Variants in SKI observed in about 807,000 individuals in gnomAD.
SKI encodes SKI proto-oncogene, also known as ski oncogene.
In SKI, 23 loss-of-function variants were observed where a neutral mutation model predicts 59.3. That is an observed-to-expected ratio of 0.39 (90% CI 0.28 to 0.55). The LOEUF is 0.55. SKI is among the 20% of genes least tolerant of loss of function. The pLI is 0.67. For synonymous variants in SKI, 673 were observed against 488.6 expected (o/e 1.38, Z -4.98); for missense variants, 1,017 against 1,038.9 (o/e 0.98, Z 0.29).
At chr1:2,266,411 C>T (rs1222999244) in intron 1 of SKI, among the ~76,000 whole-genome samples, 1 of 152,224 alleles carries the variant, frequency 6.6e-6, no homozygotes, top group South Asian at 2.1e-4. Flanking sequence ...CATGCTCTCC[C>T]TGAATTGTCA....
At chr1:2,298,197 A>G (rs760174286) in intron 1 of SKI, among the ~76,000 whole-genome samples, 4 of 152,178 alleles carry the variant, frequency 2.6e-5, no homozygotes, top group Admixed American at 6.5e-5. Context: ...AGCTGGATAC[A>G]TGCGCGCCCT....
chr1:2,307,539 G>C lies in SKI; in HGVS notation c.*774G>C, dbSNP rs1270790272. 6.6e-6 allele frequency: 1 copy of C among 152,436 alleles called. No individual in the cohort carries two copies. The highest frequency in any genetic ancestry group is 2.4e-5 in the African/African-American group (1 of 41,454). The allele number at this position is 152,436 out of a possible 1,614,324, so 9.4% of individuals were successfully genotyped here. A position where few individuals can be genotyped will look rare whatever the true frequency, so the allele number is the denominator to read the frequency against. The stretch of plus-strand genomic sequence containing the variant: ...CCACCACGAGGCACTGACCTGCGTC[G>C]GGTGGTGACCGTGGCTGGCGGTCAC... On this transcript the variant is annotated 3_prime_UTR_variant, in exon 7 of 7. Transcript: ENST00000378536.
At position 2,284,712 on chromosome 1, in the gene SKI, G is replaced by A. The variant is rs930619512; in HGVS notation, c.970-18266G>A. On this transcript the variant is annotated intron_variant, in intron 1 of 6. Transcript: ENST00000378536. ...GGCCTATGAGCCCTCCCTGGCCCCT[G>A]GGTGGCTGGGAGGGCTCCAGGCAGG... Among the ~76,000 whole-genome samples, 5 of 152,204 alleles carry A rather than the reference G, an allele frequency of 3.3e-5. No individual in the cohort carries two copies. In the East Asian group the frequency reaches 7.7e-4, roughly 24 times the overall value.
At chr1:2,289,544 G>GGA (rs1202890212) in intron 1 of SKI, among the ~76,000 whole-genome samples, 1 of 98,648 alleles carries the variant, frequency 1.0e-5, no homozygotes, top group South Asian at 3.2e-4. Flanking sequence ...GATCGGGGTG[G>GGA]GGGTGCAGGG....
At chr1:2,245,304 T>C (rs1211398783) in intron 1 of SKI, among the ~76,000 whole-genome samples, 1 of 152,052 alleles carries the variant, frequency 6.6e-6, no homozygotes, top group Non-Finnish European at 1.5e-5. Context: ...GCTGTATGGA[T>C]GTATTTTGTT....
At position 2,229,306 on chromosome 1, in the gene SKI, G is replaced by C; in HGVS notation, c.540G>C (p.Thr180=). The C allele has an allele frequency of 1.2e-5, 19 of 1,595,710 alleles. No individual in the cohort carries two copies. The highest frequency in any genetic ancestry group is 1.5e-5 in the Non-Finnish European group (18 of 1,172,028). The change falls in exon 1 of 7, where the codon ACG becomes ACC. Residue 180 remains threonine, a synonymous_variant. Transcript: ENST00000378536. This position sits in a 1 kb window ranked among gnomAD's most constrained non-coding sequence, Gnocchi z 6.3. Reference sequence around the variant, plus strand: ...CCTCGTGCGGGCTCATCACCAAGACGGACGCCGAGCGCCTGTGCAACGCGC... The same window carrying C: ...CCTCGTGCGGGCTCATCACCAAGACCGACGCCGAGCGCCTGTGCAACGCGC... ...SAPSCGLITK[T]DAERLCNALL...
Position 2,278,984 on chromosome 1 carries a change from C to T in SKI, c.970-23994C>T, listed in dbSNP as rs571181165. On this transcript the variant is annotated intron_variant, in intron 1 of 6. Transcript: ENST00000378536. ...CCTGGCGTTGAAGTGCCACCTTCATCTCCCTCCCCAGACAGTAAGCTCCAG... is the reference window on the plus strand; with the variant it reads ...CCTGGCGTTGAAGTGCCACCTTCATTTCCCTCCCCAGACAGTAAGCTCCAG... Among the ~76,000 whole-genome samples, 18 of 152,326 alleles carry T rather than the reference C, an allele frequency of 1.2e-4. No homozygotes were observed. In the South Asian group the frequency reaches 3.3e-3, roughly 28 times the overall value.
rs2100927211 is a variant in SKI at position 2,306,995 on chromosome 1, G to A, written c.*230G>A. 3.2e-6 allele frequency: 1 copy of A among 311,466 alleles called. No homozygotes were observed. The highest frequency in any genetic ancestry group is 2.2e-5 in the African/African-American group (1 of 44,784). 19.3% of individuals were successfully genotyped at this position (311,466 alleles called of 1,614,324 possible). ...GTCCCCCAACTACAGCTGGAGACGG[G>A]GCCAGCTCGGCGGCCTGCTGGTCCT... On this transcript the variant is annotated 3_prime_UTR_variant, in exon 7 of 7. Transcript: ENST00000378536.
At chr1:2,266,491 T>A (rs767481813) in intron 1 of SKI, among the ~76,000 whole-genome samples, 4 of 152,132 alleles carry the variant, frequency 2.6e-5, no homozygotes, top group Non-Finnish European at 5.9e-5. Flanking sequence ...CTGGGAACTC[T>A]CGGGAGGCAG....
At chr1:2,265,378 C>T (rs1046700778) in intron 1 of SKI, among the ~76,000 whole-genome samples, 8 of 152,170 alleles carry the variant, frequency 5.3e-5, no homozygotes, top group African/African-American at 1.9e-4. Flanking sequence ...GTCCATATCA[C>T]AAACCTTTTC....
At chr1:2,233,751 A>T (rs1478259880) in intron 1 of SKI, among the ~76,000 whole-genome samples, 1 of 152,094 alleles carries the variant, frequency 6.6e-6, no homozygotes, top group Admixed American at 6.5e-5. Context: ...TGTGGAGGCC[A>T]GGAAGGGGTT....
chr1:2,260,737 C>T (rs574628163), intron 1 of SKI, among the ~76,000 whole-genome samples: 3 of 151,852 alleles, frequency 2.0e-5, no homozygotes, highest in Admixed American at 6.6e-5. Context: ...GACGGGGTTT[C>T]GCTATGTTGC....
intron 1 of SKI, chr1:2,240,884 G>T (rs1489371699): frequency 1.2e-6 from 1 of 814,036 alleles, no homozygotes; most frequent in African/African-American, 1.9e-5. Flanking sequence ...TGGGGAAGTG[G>T]CCCTGCGTCG....
chr1:2,234,021 G>T (rs907276415), intron 1 of SKI, among the ~76,000 whole-genome samples: 10 of 152,176 alleles, frequency 6.6e-5, no homozygotes, highest in Middle Eastern at 3.2e-3. Context: ...CCAGCTTTTC[G>T]TGGGGTTCCC....
At chr1:2,231,408 C>T (rs757992871) in intron 1 of SKI, among the ~76,000 whole-genome samples, 1 of 152,198 alleles carries the variant, frequency 6.6e-6, no homozygotes, top group Non-Finnish European at 1.5e-5. Flanking sequence ...GTCTTTCTGT[C>T]TTCCTGGGCT....
intron 1 of SKI, among the ~76,000 whole-genome samples, chr1:2,257,013 C>T (rs1416913412): frequency 6.6e-6 from 1 of 152,228 alleles, no homozygotes; most frequent in South Asian, 2.1e-4. Context: ...TGTGGTCTCC[C>T]TGCTGTTCCC....
rs1384290765 is a variant in SKI, at chr1:2,307,461, C to G, written c.*696C>G. On this transcript the variant is annotated 3_prime_UTR_variant, in exon 7 of 7. Transcript: ENST00000378536. ...GAGCCGCACAGGAGCTGCCCCGGAGCTGAGGGGACGGTCTTCGGCTCCTCT... is the reference window on the plus strand; with the variant it reads ...GAGCCGCACAGGAGCTGCCCCGGAGGTGAGGGGACGGTCTTCGGCTCCTCT... The G allele has an allele frequency of 3.3e-5, 5 of 152,406 alleles. No homozygotes were observed. In the South Asian group the frequency reaches 6.2e-4, roughly 19 times the overall value. The allele number at this position is 152,406 out of a possible 1,614,324, so 9.4% of individuals were successfully genotyped here. A position where few individuals can be genotyped will look rare whatever the true frequency, so the allele number is the denominator to read the frequency against.
chr1:2,305,539 C>T (rs1640549681), intron 5 of SKI, among the ~76,000 whole-genome samples: 1 of 152,196 alleles, frequency 6.6e-6, no homozygotes, highest in South Asian at 2.1e-4. Context: ...GGTGTGTTTG[C>T]AGCGTGGGGT....
intron 1 of SKI, among the ~76,000 whole-genome samples, chr1:2,282,635 C>T (rs532173025): frequency 2.6e-5 from 4 of 152,252 alleles, no homozygotes; most frequent in East Asian, 3.9e-4. Flanking sequence ...AGCCTTGCTT[C>T]CCCCAAGCCC....
Sources: gnomAD v4.1 joint callset for allele counts (sites outside exome capture counted in the v4.1 genomes callset) on GRCh38, gnomAD v4.1.1 for gene constraint, Gnocchi (gnomAD v3.1) non-coding constraint, MANE v1.5 for transcripts, NCBI Gene and HGNC (gene_info 2026-07-23, HGNC 2026-07-21) for gene names.